Variants in MAPKAPK3 observed in about 807,000 individuals in gnomAD.
The protein encoded by MAPKAPK3 is MAP kinase-activated protein kinase 3.
MAPKAPK3 carries 35 observed loss-of-function variants against 49.2 expected under a neutral mutation model. The observed-to-expected ratio is 0.71, with a 90% CI of 0.54 to 0.94. The LOEUF (loss-of-function observed/expected upper bound fraction) is 0.94, where lower values mean the gene tolerates loss of function less well. Among genes scored for constraint, MAPKAPK3 ranks in the 40% least tolerant of loss-of-function variants. The pLI is 0.00. For missense variants in MAPKAPK3, 398 were observed against 493.1 expected (o/e 0.81, Z 1.83); for synonymous variants, 178 against 188.7 (o/e 0.94, Z 0.46).
At chr3:50,623,682 G>C (rs1170260990) in intron 2 of MAPKAPK3, among the ~76,000 whole-genome samples, 2 of 152,222 alleles carry the variant, frequency 1.3e-5, no homozygotes, top group Non-Finnish European at 2.9e-5. Flanking sequence ...AGGTTCAGAG[G>C]TCAGCAGCTT....
At chr3:50,641,798 GA>G (rs754520339) in intron 4 of MAPKAPK3, 27 bp downstream of exon 4, 6 of 1,604,862 alleles carry the variant, frequency 3.7e-6, no homozygotes, top group Non-Finnish European at 4.3e-6. Flanking sequence ...GGACCAGCAG[GA>G]GGATTCAGGG....
chr3:50,617,579 C>T lies in MAPKAPK3; in HGVS notation c.14C>T (p.Thr5Ile), dbSNP rs751937158. MDGE[T>I]AEEQGGPVPP... ...CCCGCGGGGGCCATGGATGGTGAAA[C>T]AGCAGAGGAGCAGGGGGGCCCTGTG... Residue 5 changes from threonine (T) to isoleucine (I), a missense_variant, in exon 2 of 11, where the codon ACA (threonine) becomes ATA (isoleucine). Coordinates refer to ENST00000621469, the MANE Select transcript of MAPKAPK3 (RefSeq NM_001243925.2). 6.4e-7 allele frequency: 1 copy of T among 1,570,720 alleles called. No homozygotes were observed. The highest frequency in any genetic ancestry group is 8.7e-7 in the Non-Finnish European group (1 of 1,145,074).
chr3:50,614,813 G>C (rs2107565912), upstream of MAPKAPK3, among the ~76,000 whole-genome samples: 1 of 152,302 alleles, frequency 6.6e-6, no homozygotes, highest in South Asian at 2.1e-4. Flanking sequence ...TGTGGGGAAT[G>C]CGTGTGCCTG....
intron 4 of MAPKAPK3, among the ~76,000 whole-genome samples, 156 bp from the exon 5 acceptor site, chr3:50,642,097 C>T (rs995207757): frequency 6.6e-6 from 1 of 152,006 alleles, no homozygotes; most frequent in Non-Finnish European, 1.5e-5. Context: ...TCTGGGGTGG[C>T]GTAGACATCC....
At chr3:50,614,500 AGTGT>A (rs3066739), upstream of MAPKAPK3, among the ~76,000 whole-genome samples, 669 of 138,924 alleles carry the variant, frequency 4.8e-3, 5 homozygotes, top group Middle Eastern at 0.019. Context: ...GTAAGGACAG[AGTGT>A]GTGTGTGTGT....
chr3:50,628,342 G>A (rs1366798736), intron 2 of MAPKAPK3, among the ~76,000 whole-genome samples: 1 of 152,200 alleles, frequency 6.6e-6, no homozygotes, highest in Non-Finnish European at 1.5e-5. Context: ...CTGGCCAGTT[G>A]GGGGCACATA....
At chr3:50,636,794 T>G (rs930606466) in intron 2 of MAPKAPK3, among the ~76,000 whole-genome samples, 4 of 152,076 alleles carry the variant, frequency 2.6e-5, no homozygotes, top group Admixed American at 6.5e-5. Context: ...CTAGGAGGTT[T>G]TGGGCTCAGG....
At chr3:50,628,005 C>T (rs1410268836) in intron 2 of MAPKAPK3, among the ~76,000 whole-genome samples, 1 of 152,118 alleles carries the variant, frequency 6.6e-6, no homozygotes, top group East Asian at 1.9e-4. Flanking sequence ...GATAGAAGGT[C>T]AGTGTTGGGG....
intron 2 of MAPKAPK3, among the ~76,000 whole-genome samples, chr3:50,622,684 G>A (rs1336270299): frequency 6.6e-6 from 1 of 152,166 alleles, no homozygotes; most frequent in Non-Finnish European, 1.5e-5. Flanking sequence ...ATAAGCCACA[G>A]AGAAATGCTA....
upstream of MAPKAPK3, among the ~76,000 whole-genome samples, chr3:50,616,202 T>C (rs1019874796): frequency 3.9e-5 from 6 of 152,142 alleles, no homozygotes; most frequent in Non-Finnish European, 8.8e-5. Flanking sequence ...AGCTTCCGGA[T>C]TGGGGGAGTG....
Position 50,646,252 on chromosome 3 carries a change from G to A in MAPKAPK3, c.817G>A (p.Val273Ile), listed in dbSNP as rs2033293717. Residue 273 changes from valine to isoleucine, a missense_variant, in exon 8 of 11, where the codon GTC becomes ATC. Val to Ile is a conservative substitution (Grantham distance 29). Transcript: ENST00000621469. ...CTTCCCCAATCCTGAGTGGTCAGAA[G>A]TCTCTGAGGATGGTGAGTGAACCTC... ...YGFPNPEWSE[V>I]SEDAKQLIRL... The A allele has an allele frequency of 6.2e-7, 1 of 1,614,160 alleles. No homozygotes were observed. The highest frequency in any genetic ancestry group is 1.3e-5 in the African/African-American group (1 of 75,054).
intron 2 of MAPKAPK3, among the ~76,000 whole-genome samples, chr3:50,638,987 T>A (rs2033108566): frequency 6.6e-6 from 1 of 152,252 alleles, no homozygotes; most frequent in African/African-American, 2.4e-5. Flanking sequence ...GGCTTGTCCC[T>A]GCTGTCCCCA....
intron 2 of MAPKAPK3, among the ~76,000 whole-genome samples, chr3:50,620,362 G>A (rs1038848774): frequency 1.1e-4 from 16 of 152,104 alleles, no homozygotes; most frequent in African/African-American, 3.9e-4. Flanking sequence ...GGCAACAGTC[G>A]TGGGCTCTGT....
chr3:50,645,624 C>A, intron 6 of MAPKAPK3, 86 bp from the exon 7 acceptor site: 1 of 1,046,864 alleles, frequency 9.6e-7, no homozygotes, highest in Non-Finnish European at 1.5e-6. Context: ...CAGGTACCTG[C>A]TCCCCACCTT....
At chr3:50,631,726 G>C (rs1252557669) in intron 2 of MAPKAPK3, among the ~76,000 whole-genome samples, 2 of 151,418 alleles carry the variant, frequency 1.3e-5, no homozygotes, top group African/African-American at 4.9e-5. Flanking sequence ...ACTTGTCAAG[G>C]AGGGAGTATG....
chr3:50,632,657 G>A (rs534053377), intron 2 of MAPKAPK3, among the ~76,000 whole-genome samples: 1 of 152,348 alleles, frequency 6.6e-6, no homozygotes, highest in South Asian at 2.1e-4. Context: ...CCTCGTTGAT[G>A]GGAGAGATAA....
upstream of MAPKAPK3, chr3:50,613,051 G>A (rs2032376378): frequency 6.6e-6 from 1 of 152,126 alleles, no homozygotes; most frequent in African/African-American, 2.4e-5. Context: ...AAGGACTGTA[G>A]GGTCTGTGAA....
chr3:50,644,265 TG>T, intron 5 of MAPKAPK3, 143 bp from the exon 6 acceptor site: 1 of 918,138 alleles, frequency 1.1e-6, no homozygotes, highest in Non-Finnish European at 1.6e-6. Flanking sequence ...CCCATGTTAG[TG>T]GGCAAGGCCC....
chr3:50,646,729 G>T lies in MAPKAPK3; in HGVS notation c.830-11G>T. On this transcript the variant is annotated splice_polypyrimidine_tract_variant and intron_variant, in intron 8 of 10. Transcript: ENST00000621469. The stretch of plus-strand genomic sequence containing the variant: ...ATCTCATCTCTCCCCTCTCTTCCCT[G>T]GCCCCCCTAGCCAAGCAGCTGATCC... 2 of 1,613,122 alleles carry T rather than the reference G, an allele frequency of 1.2e-6. No homozygotes were observed. Among genetic ancestry groups the T allele is most frequent in the Non-Finnish European group, 1.7e-6 (2 of 1,179,270 alleles).
Sources: allele counts gnomAD v4.1 joint callset (sites outside exome capture counted in the v4.1 genomes callset), GRCh38; gene constraint gnomAD v4.1.1; transcripts MANE v1.5; gene names NCBI Gene and HGNC (gene_info 2026-07-23, HGNC 2026-07-21).